The following KCNK10 variants were observed in gnomAD, a reference collection of about 807,000 sequenced individuals.
KCNK10 encodes potassium channel subfamily K member 10.
KCNK10 carries 25 observed loss-of-function variants against 47.7 expected under a neutral mutation model. That is an observed-to-expected ratio of 0.52 (90% confidence interval 0.38 to 0.73). The LOEUF (loss-of-function observed/expected upper bound fraction) is 0.73. Ranked by LOEUF, KCNK10 falls within the 30% of genes least tolerant of loss-of-function variation. KCNK10 has a pLI of 0.00. For missense variants in KCNK10, 563 were observed against 714.5 expected, an observed-to-expected ratio of 0.79 and a Z score of 2.42; for synonymous variants, 303 against 285.6, an observed-to-expected ratio of 1.06 and a Z score of -0.61.
intron 5 of KCNK10, among the ~76,000 whole-genome samples, chr14:88,191,088 A>G (rs984599976): frequency 2.0e-5 from 3 of 152,016 alleles, no homozygotes; most frequent in Non-Finnish European, 4.4e-5. Context: ...AATACAAAAA[A>G]TGAAAATAAA....
chr14:88,187,350 G>T (rs1413943037), intron 6 of KCNK10, among the ~76,000 whole-genome samples: 1 of 151,642 alleles, frequency 6.6e-6, no homozygotes, highest in Admixed American at 6.6e-5. Flanking sequence ...AGAGCTACAT[G>T]AATATTTATT....
chr14:88,296,965 G>T (rs1887997986), intron 1 of KCNK10, among the ~76,000 whole-genome samples: 1 of 152,128 alleles, frequency 6.6e-6, no homozygotes, highest in Non-Finnish European at 1.5e-5. Flanking sequence ...ATTAAATTAT[G>T]ACATATTGCT....
chr14:88,235,330 C>T, intron 3 of KCNK10: 1 of 420,028 alleles, frequency 2.4e-6, no homozygotes, highest in Non-Finnish European at 4.8e-6. Flanking sequence ...ATAAAACTTC[C>T]ATAAGAAAAA....
At chr14:88,324,109 G>A (rs1179340937), upstream of KCNK10, among the ~76,000 whole-genome samples, 5 of 152,362 alleles carry the variant, frequency 3.3e-5, no homozygotes, top group African/African-American at 1.2e-4. Context: ...GAGGAAAGCG[G>A]AGTTGCCAAG....
At chr14:88,270,932 G>T (rs2139762748) in intron 1 of KCNK10, 1 of 718,532 alleles carries the variant, frequency 1.4e-6, no homozygotes, top group Non-Finnish European at 2.6e-6. Flanking sequence ...TCCCTTCCAG[G>T]ACCTGGCGCC....
chr14:88,213,906 C>G (rs1259072335), intron 4 of KCNK10, among the ~76,000 whole-genome samples: 1 of 132,260 alleles, frequency 7.6e-6, no homozygotes, highest in Non-Finnish European at 1.6e-5. Flanking sequence ...AAACTCTATG[C>G]TCTTTTTATT....
rs370001082 is a variant in KCNK10 at position 88,309,037 on chromosome 14, C to T, written c.52+13710G>A. Among the ~76,000 whole-genome samples the T allele has an allele frequency of 3.0e-4, 45 of 152,256 alleles. No homozygotes were observed. The South Asian group carries it at 4.3e-3, about 15-fold the overall frequency. ...TGAGAGATGCTAAGCCTTGGCTAAA[C>T]GGTTAGTTTCAGGAGGGCAGAGACT... is the stretch of plus-strand genomic sequence containing the variant. On this transcript the variant is annotated intron_variant, in intron 1 of 6. Coordinates refer to ENST00000319231, the MANE Select transcript of KCNK10 (RefSeq NM_138317.3).
intron 1 of KCNK10, among the ~76,000 whole-genome samples, chr14:88,276,253 T>C (rs972259774): frequency 7.7e-6 from 1 of 130,564 alleles, no homozygotes; most frequent in Admixed American, 6.9e-5. Flanking sequence ...TTCATGCCCT[T>C]ATAAAAGAGA....
At chr14:88,311,809 C>T (rs1365866069) in intron 1 of KCNK10, among the ~76,000 whole-genome samples, 2 of 151,816 alleles carry the variant, frequency 1.3e-5, no homozygotes, top group Non-Finnish European at 2.9e-5. Context: ...AGTGTAGAAA[C>T]CACCCTGAAA....
At chr14:88,258,259 A>C (rs1887013180) in intron 2 of KCNK10, among the ~76,000 whole-genome samples, 1 of 151,774 alleles carries the variant, frequency 6.6e-6, no homozygotes, top group Admixed American at 6.6e-5. Flanking sequence ...TGATGAAGAA[A>C]CAAGAGGTGA....
At chr14:88,306,871 T>C (rs1934617998) in intron 1 of KCNK10, among the ~76,000 whole-genome samples, 2 of 152,244 alleles carry the variant, frequency 1.3e-5, no homozygotes, top group African/African-American at 4.8e-5. Flanking sequence ...CAAGTTCATA[T>C]CATAACCCTT....
At chr14:88,217,961 G>A (rs1885677416) in intron 4 of KCNK10, among the ~76,000 whole-genome samples, 1 of 151,914 alleles carries the variant, frequency 6.6e-6, no homozygotes. Context: ...GACCTCAAGT[G>A]ATCTGCCTGC....
At chr14:88,209,429 G>A (rs1885386166) in intron 4 of KCNK10, among the ~76,000 whole-genome samples, 1 of 152,254 alleles carries the variant, frequency 6.6e-6, no homozygotes, top group African/African-American at 2.4e-5. Context: ...CGACGACGAA[G>A]AAGACAACCT....
rs1222929050 is a variant in KCNK10 at position 88,261,035 on chromosome 14, T to C, written c.402+2167A>G. ...CGGAAATGCCGAATTAATCAACAAA[T>C]GCATGGATAAGCTCAGATAGCTTGT... On this transcript the variant is annotated intron_variant, in intron 2 of 6. Transcript: ENST00000319231. 2.6e-5 allele frequency among the ~76,000 whole-genome samples: 4 copies of C among 152,356 alleles called. No homozygotes were observed. The East Asian group carries it at 7.7e-4, about 29-fold the overall frequency.
intron 1 of KCNK10, among the ~76,000 whole-genome samples, chr14:88,301,077 T>C (rs1377258250): frequency 6.6e-6 from 1 of 152,208 alleles, no homozygotes; most frequent in African/African-American, 2.4e-5. Flanking sequence ...AATCGAAAGC[T>C]ACCATGTGCC....
At chr14:88,309,650 C>T (rs114900989) in intron 1 of KCNK10, among the ~76,000 whole-genome samples, 6,187 of 152,168 alleles carry the variant, frequency 0.041, 127 homozygotes, top group East Asian at 0.06. Context: ...CCCCAACACC[C>T]GTTGGCATTG....
At chr14:88,289,909 G>A (rs890710603) in intron 1 of KCNK10, among the ~76,000 whole-genome samples, 14 of 152,168 alleles carry the variant, frequency 9.2e-5, no homozygotes, top group African/African-American at 3.4e-4. Flanking sequence ...TAAGGGCATC[G>A]TGCTTGTGTA....
rs1886430957 is a variant in KCNK10, at chr14:88,240,698, G to A, written c.520+5C>T. ...AGGAAGAGATATTAGCAAACAAACG[G>A]GTACCTATGGTCGTAATGACAGTTC... On this transcript the variant is annotated splice_donor_5th_base_variant and intron_variant, in intron 3 of 6. Coordinates refer to ENST00000319231, the MANE Select transcript of KCNK10 (RefSeq NM_138317.3). 1 of 1,576,518 alleles carries A rather than the reference G, an allele frequency of 6.3e-7. No individual in the cohort carries two copies. Among genetic ancestry groups the A allele is most frequent in the Non-Finnish European group, 8.7e-7 (1 of 1,145,794 alleles).
At chr14:88,218,459 C>G (rs1885693982) in intron 4 of KCNK10, among the ~76,000 whole-genome samples, 1 of 151,694 alleles carries the variant, frequency 6.6e-6, no homozygotes, top group African/African-American at 2.4e-5. Flanking sequence ...ACTCGTAAGT[C>G]TAGGGTAATG....
Sources: gnomAD v4.1 joint callset for allele counts (sites outside exome capture counted in the v4.1 genomes callset) on GRCh38, gnomAD v4.1.1 for gene constraint, MANE v1.5 for transcripts, NCBI Gene and HGNC (gene_info 2026-07-23, HGNC 2026-07-21) for gene names.